KIAA1549L: variants seen among roughly 807,000 people sequenced by gnomAD.
KIAA1549L encodes KIAA1549 like, also known as UPF0606 protein KIAA1549L.
A neutral mutation model predicts 160.7 loss-of-function variants in KIAA1549L; 88 were observed. That is an observed-to-expected ratio of 0.55 (90% CI 0.46 to 0.65). The LOEUF (loss-of-function observed/expected upper bound fraction) is 0.65. KIAA1549L is among the 30% of genes least tolerant of loss of function. The pLI is 0.00. For synonymous variants in KIAA1549L, 950 were observed against 976.7 expected (o/e 0.97, Z 0.51); for missense variants, 2,258 against 2,437.5 (o/e 0.93, Z 1.55).
intron 1 of KIAA1549L, among the ~76,000 whole-genome samples, chr11:33,537,645 C>A (rs1013485795): frequency 6.6e-6 from 1 of 152,122 alleles, no homozygotes; most frequent in East Asian, 1.9e-4. Flanking sequence ...TCCCACTGTC[C>A]CTAGTTCTGT....
intron 1 of KIAA1549L, among the ~76,000 whole-genome samples, chr11:33,458,030 A>C (rs1354859947): frequency 6.6e-6 from 1 of 152,212 alleles, no homozygotes; most frequent in African/African-American, 2.4e-5. Flanking sequence ...CCAAGAGCAG[A>C]CTATGATGCC....
At chr11:33,609,691 C>A in intron 14 of KIAA1549L, 58 bp from the exon 15 acceptor site, 1 of 1,369,652 alleles carries the variant, frequency 7.3e-7, no homozygotes, top group Non-Finnish European at 1.0e-6. Context: ...TGGTGAAAGT[C>A]TCCCACCTGC....
chr11:33,584,620 A>G (rs151249066), intron 11 of KIAA1549L, among the ~76,000 whole-genome samples: 82 of 152,334 alleles, frequency 5.4e-4, no homozygotes, highest in Middle Eastern at 3.4e-3. Flanking sequence ...CTCGAGGACT[A>G]TCACCTCGTT....
chr11:33,634,117 A>G (rs958424760), intron 16 of KIAA1549L, among the ~76,000 whole-genome samples: 1 of 101,484 alleles, frequency 9.9e-6, no homozygotes, highest in Admixed American at 1.0e-4. Context: ...ATCTCAGCTC[A>G]CTGCAACTTC....
In KIAA1549L at chr11:33,543,792, T is replaced by C. The variant is rs79216682; in HGVS notation, c.2229T>C (p.Pro743=). 4,081 of 1,614,034 alleles carry C rather than the reference T, an allele frequency of 2.5e-3. 93 individuals are homozygous for C. In the African/African-American group the frequency reaches 0.044, roughly 17 times the overall value. The change falls in exon 2 of 21, where the codon CCT becomes CCC. Residue 743 remains proline (P), a synonymous_variant. Transcript: ENST00000658780. ...SWETHLAPTA[P]PNGLTSAADA... is the part of the protein sequence containing the mutation. ...AAACTCATTTAGCTCCAACAGCTCCTCCCAATGGTTTAACTTCAGCTGCCG... is the reference window on the plus strand; with the variant it reads ...AAACTCATTTAGCTCCAACAGCTCCCCCCAATGGTTTAACTTCAGCTGCCG...
intron 1 of KIAA1549L, among the ~76,000 whole-genome samples, chr11:33,410,285 ACT>A (rs1850761395): frequency 6.6e-6 from 1 of 152,002 alleles, no homozygotes; most frequent in Non-Finnish European, 1.5e-5. Context: ...CTCCTGGGCA[ACT>A]CTCTTAACTG....
At chr11:33,513,355 C>T (rs1590301016) in intron 1 of KIAA1549L, among the ~76,000 whole-genome samples, 1 of 152,166 alleles carries the variant, frequency 6.6e-6, no homozygotes, top group African/African-American at 2.4e-5. Flanking sequence ...TTGATGTTGT[C>T]TGCAGGGAGT....
intron 6 of KIAA1549L, among the ~76,000 whole-genome samples, chr11:33,555,446 C>T (rs983479128): frequency 3.3e-5 from 5 of 152,194 alleles, no homozygotes; most frequent in Admixed American, 6.5e-5. Context: ...CAATGTAGTG[C>T]TGGCATAAAG....
rs561417247 is a variant in KIAA1549L, at chr11:33,603,202, G to A, written c.4880-3439G>A. 2.6e-5 allele frequency among the ~76,000 whole-genome samples: 3 copies of A among 117,226 alleles called. No homozygotes were observed. The South Asian group carries it at 7.4e-4, about 29-fold the overall frequency. 76.9% of individuals were successfully genotyped at this position (117,226 alleles called of 152,430 possible). ...TCTTTATTGAAGGCCAACTATATGT[G>A]AGACACTGTTAAAAGCAATAGGCAT... is the stretch of plus-strand genomic sequence containing the variant. On this transcript the variant is annotated intron_variant, in intron 13 of 20. Coordinates refer to ENST00000658780, the MANE Select transcript of KIAA1549L (RefSeq NM_012194.3).
At chr11:33,501,225 C>T (rs946282743) in intron 1 of KIAA1549L, among the ~76,000 whole-genome samples, 2 of 152,182 alleles carry the variant, frequency 1.3e-5, no homozygotes, top group African/African-American at 4.8e-5. Context: ...GTTTGCTATT[C>T]TTTTCAAATA....
At chr11:33,409,994 C>G (rs1201668118) in intron 1 of KIAA1549L, among the ~76,000 whole-genome samples, 3 of 152,154 alleles carry the variant, frequency 2.0e-5, no homozygotes, top group Non-Finnish European at 4.4e-5. Flanking sequence ...TGACGTTTCT[C>G]TGTGTCTGTT....
At chr11:33,667,416 G>A (rs191482669) in intron 20 of KIAA1549L, among the ~76,000 whole-genome samples, 7 of 148,930 alleles carry the variant, frequency 4.7e-5, no homozygotes, top group South Asian at 2.1e-4. Flanking sequence ...TTTTTGAGAC[G>A]GAGTCTCACT....
At chr11:33,420,302 C>T (rs538968540) in intron 1 of KIAA1549L, among the ~76,000 whole-genome samples, 6 of 148,408 alleles carry the variant, frequency 4.0e-5, no homozygotes, top group South Asian at 4.3e-4. Flanking sequence ...TATCCTAGCT[C>T]GCTGCAACCT....
intron 10 of KIAA1549L, among the ~76,000 whole-genome samples, chr11:33,575,274 C>G (rs552776504): frequency 6.6e-6 from 1 of 152,308 alleles, no homozygotes; most frequent in African/African-American, 2.4e-5. Flanking sequence ...CTGGCTCCTG[C>G]CCTTAAGGAG....
intron 1 of KIAA1549L, among the ~76,000 whole-genome samples, chr11:33,439,734 A>C (rs1183439493): frequency 1.3e-5 from 2 of 152,022 alleles, no homozygotes; most frequent in Non-Finnish European, 1.5e-5. Flanking sequence ...CATCGGGTAC[A>C]TTTTGAGTTC....
At chr11:33,571,083 G>C (rs1481122116) in intron 9 of KIAA1549L, among the ~76,000 whole-genome samples, 1 of 152,244 alleles carries the variant, frequency 6.6e-6, no homozygotes, top group African/African-American at 2.4e-5. Context: ...AAGAGATGGA[G>C]ACCATTCTGG....
Position 33,543,015 on chromosome 11 carries a change from C to T in KIAA1549L, c.1452C>T (p.Ala484=). ...LHITTLGQEQ[A]ILSGAVPASP... is the part of the protein sequence containing the mutation. ...TCACCACACTGGGTCAAGAGCAAGC[C>T]ATCCTTTCTGGGGCGGTTCCCGCAT... The change falls in exon 2 of 21, where the codon GCC becomes GCT. Residue 484 remains alanine (A), a synonymous_variant. Transcript: ENST00000658780. 1.2e-6 allele frequency: 2 copies of T among 1,614,010 alleles called. No homozygotes were observed. The highest frequency in any genetic ancestry group is 8.5e-7 in the Non-Finnish European group (1 of 1,179,906).
intron 1 of KIAA1549L, among the ~76,000 whole-genome samples, chr11:33,443,436 A>G (rs1050114134): frequency 1.3e-5 from 2 of 152,138 alleles, no homozygotes; most frequent in Non-Finnish European, 2.9e-5. Flanking sequence ...TATTCCAGCC[A>G]TGGCACAGTG....
intron 13 of KIAA1549L, among the ~76,000 whole-genome samples, chr11:33,599,752 C>T (rs530618150): frequency 6.6e-5 from 10 of 152,274 alleles, no homozygotes; most frequent in East Asian, 3.9e-4. Flanking sequence ...GTGGCCCTTC[C>T]GTGTGTGATG....
Sources: gnomAD v4.1 joint callset for allele counts (sites outside exome capture counted in the v4.1 genomes callset) on GRCh38, gnomAD v4.1.1 for gene constraint, MANE v1.5 for transcripts, NCBI Gene and HGNC (gene_info 2026-07-23, HGNC 2026-07-21) for gene names.